RHCG: variants seen among roughly 807,000 people sequenced by gnomAD.
RHCG encodes ammonium transporter Rh type C.
Under a neutral mutation model 55.3 loss-of-function variants are expected in RHCG, and 39 were observed. The ratio of observed to expected loss-of-function variants is 0.70; its 90% CI spans 0.55 to 0.92. The LOEUF is 0.92. RHCG is among the 40% of genes least tolerant of loss of function. The pLI, the probability that RHCG is intolerant of heterozygous loss-of-function variation, is 0.00. For missense variants in RHCG, 635 were observed against 627.9 expected, an observed-to-expected ratio of 1.01 and a Z score of -0.12; for synonymous variants, 250 against 246.8, an observed-to-expected ratio of 1.01 and a Z score of -0.12.
chr15:89,475,582 T>C (rs771550482), intron 9 of RHCG, among the ~76,000 whole-genome samples: 14 of 152,174 alleles, frequency 9.2e-5, no homozygotes, highest in Non-Finnish European at 1.6e-4. Context: ...ACCTGGGAGC[T>C]TGTCAGTTGC....
intron 1 of RHCG, among the ~76,000 whole-genome samples, chr15:89,490,754 G>C (rs889104828): frequency 6.6e-6 from 1 of 151,592 alleles, no homozygotes; most frequent in Non-Finnish European, 1.5e-5. Context: ...GCTGGGTCTG[G>C]CCTGGCCGTG....
chr15:89,473,810 T>C (rs545123531), intron 9 of RHCG, among the ~76,000 whole-genome samples: 2 of 152,300 alleles, frequency 1.3e-5, no homozygotes, highest in Non-Finnish European at 2.9e-5. Context: ...CTGAGGTTAC[T>C]GGGGGACGTC....
chr15:89,496,346 G>A lies in RHCG; in HGVS notation c.184+15C>T, dbSNP rs1312041710. Reference sequence around the variant, plus strand: ...CGGATATGCCTCCGCTGGGCCTGCAGGCGGCGAGACTTACTTGGGTAGCGA... The same window carrying A: ...CGGATATGCCTCCGCTGGGCCTGCAAGCGGCGAGACTTACTTGGGTAGCGA... On this transcript the variant is annotated intron_variant, in intron 1 of 10. Transcript: ENST00000268122. The A allele has an allele frequency of 1.2e-6, 2 of 1,613,318 alleles. No homozygotes were observed. The highest frequency in any genetic ancestry group is 8.5e-7 in the Non-Finnish European group (1 of 1,179,706).
intron 1 of RHCG, among the ~76,000 whole-genome samples, chr15:89,492,486 A>T (rs1961494963): frequency 6.6e-6 from 1 of 151,524 alleles, no homozygotes; most frequent in South Asian, 2.1e-4. Context: ...TTCCCCCAAG[A>T]CTCCGTGCCC....
In RHCG at chr15:89,477,865, A is replaced by G; in HGVS notation, c.947T>C (p.Ile316Thr). 1 of 1,614,012 alleles carries G rather than the reference A, an allele frequency of 6.2e-7. No individual in the cohort carries two copies. The highest frequency in any genetic ancestry group is 8.5e-7 in the Non-Finnish European group (1 of 1,179,984). ...CAGGTATACAAAACCCAGGGTGGAG[A>G]TGATGCCGCAGACGAAGCCGATGAT... ...ALIIGFVCGI[I>T]STLGFVYLTP... is the part of the protein sequence containing the mutation. Residue 316 changes from isoleucine to threonine, a missense_variant, in exon 6 of 11, where the codon ATC becomes ACC. Coordinates refer to ENST00000268122, the MANE Select transcript of RHCG (RefSeq NM_016321.3). The surrounding 1 kb of genome is among the most constrained non-coding windows in gnomAD (Gnocchi z 4.5).
Position 89,477,575 on chromosome 15 carries a change from C to G in RHCG, c.1054G>C (p.Gly352Arg). 1 of 1,614,106 alleles carries G rather than the reference C, an allele frequency of 6.2e-7. No homozygotes were observed. The highest frequency in any genetic ancestry group is 8.5e-7 in the Non-Finnish European group (1 of 1,180,018). The change falls in exon 7 of 11, where the codon GGC (glycine) becomes CGC (arginine). Residue 352 changes from glycine (G) to arginine (R), a missense_variant. Transcript: ENST00000268122. This position sits in a 1 kb window ranked among gnomAD's most constrained non-coding sequence, Gnocchi z 4.5. ...GCCGCTGTCACAGCACCCACGATGC[C>G]GCCTATGATGCCAGGAATGCCATGC... ...NLHGIPGIIGGIVGAVTAASA... is the reference protein window; with the variant it reads ...NLHGIPGIIGRIVGAVTAASA...
At chr15:89,479,953 G>A (rs1170594810) in intron 4 of RHCG, among the ~76,000 whole-genome samples, 1 of 152,240 alleles carries the variant, frequency 6.6e-6, no homozygotes, top group Non-Finnish European at 1.5e-5. Context: ...GATGGAGTGA[G>A]CAGCTCCTGG....
In RHCG at chr15:89,486,870, G is replaced by A; in HGVS notation, c.300C>T (p.Ile100=). The change falls in exon 2 of 11, where the codon ATC becomes ATT. Residue 100 remains isoleucine, a synonymous_variant. Transcript: ENST00000268122. Reference sequence around the variant, plus strand: ...AGCCCTGCATGAGCAGCGCCCACTGGATGCCGAAGGCTGCCAACAGGAAGT... The same window carrying A: ...AGCCCTGCATGAGCAGCGCCCACTGAATGCCGAAGGCTGCCAACAGGAAGT... ...GFNFLLAAFG[I]QWALLMQGWF... 6.2e-7 allele frequency: 1 copy of A among 1,612,578 alleles called. No individual in the cohort carries two copies. The highest frequency in any genetic ancestry group is 8.5e-7 in the Non-Finnish European group (1 of 1,178,774).
At position 89,486,993 on chromosome 15, in the gene RHCG, G is replaced by A; in HGVS notation, c.185-8C>T. 2 of 1,582,166 alleles carry A rather than the reference G, an allele frequency of 1.3e-6. No homozygotes were observed. Among genetic ancestry groups the A allele is most frequent in the Non-Finnish European group, 1.7e-6 (2 of 1,158,736 alleles). ...CGTGCACGTCCTGGAAGCCTGCGGGGACAGTGCAGCCCGGGACTCGGTGGT... is the reference window on the plus strand; with the variant it reads ...CGTGCACGTCCTGGAAGCCTGCGGGAACAGTGCAGCCCGGGACTCGGTGGT... On this transcript the variant is annotated splice_region_variant and splice_polypyrimidine_tract_variant and intron_variant, in intron 1 of 10. Transcript: ENST00000268122.
chr15:89,479,667 C>T, intron 4 of RHCG, 179 bp from the exon 5 acceptor site: 2 of 615,214 alleles, frequency 3.3e-6, no homozygotes, highest in Non-Finnish European at 5.6e-6. Context: ...CCTTCCTTAC[C>T]CCCCACTTAG....
At chr15:89,485,774 T>C (rs1961347554) in intron 2 of RHCG, among the ~76,000 whole-genome samples, 2 of 152,178 alleles carry the variant, frequency 1.3e-5, no homozygotes, top group Admixed American at 1.3e-4. Context: ...GAACCTCCAA[T>C]AAACTAAAAC....
intron 10 of RHCG, among the ~76,000 whole-genome samples, chr15:89,472,255 G>C (rs1158078544): frequency 6.6e-6 from 1 of 152,170 alleles, no homozygotes; most frequent in South Asian, 2.1e-4. Context: ...GCAAGGGCTT[G>C]GTGCATTCCA....
rs754528982 is a variant in RHCG, at chr15:89,496,328, G to A, written c.184+33C>T. ...GCCAGGTGGGGACCGGCGCGGATAT[G>A]CCTCCGCTGGGCCTGCAGGCGGCGA... On this transcript the variant is annotated intron_variant, in intron 1 of 10. Transcript: ENST00000268122. 7.5e-6 allele frequency: 12 copies of A among 1,610,140 alleles called. No homozygotes were observed. The South Asian group carries it at 9.9e-5, about 13-fold the overall frequency.
intron 8 of RHCG, 25 bp from the exon 9 acceptor site, chr15:89,476,853 A>G (rs373360903): frequency 1.9e-6 from 3 of 1,604,934 alleles, no homozygotes; most frequent in Non-Finnish European, 2.6e-6. Context: ...AGATTACAGG[A>G]TGTCAGGAAG....
At chr15:89,489,303 T>C (rs1961431633) in intron 1 of RHCG, among the ~76,000 whole-genome samples, 2 of 151,890 alleles carry the variant, frequency 1.3e-5, no homozygotes, top group African/African-American at 4.8e-5. Flanking sequence ...TTTTAACTTT[T>C]AGTAGAGACA....
chr15:89,487,179 CG>C (rs1485320996), intron 1 of RHCG, among the ~76,000 whole-genome samples, 194 bp from the exon 2 acceptor site: 1 of 152,176 alleles, frequency 6.6e-6, no homozygotes, highest in Admixed American at 6.5e-5. Flanking sequence ...GGTAACGCTG[CG>C]GGCAGAGCCT....
intron 1 of RHCG, among the ~76,000 whole-genome samples, chr15:89,490,712 A>G (rs1961457951): frequency 6.7e-6 from 1 of 149,012 alleles, no homozygotes; most frequent in African/African-American, 2.5e-5. Flanking sequence ...AACACAAGGC[A>G]GTGGGAAGAG....
rs755722323 is a variant in RHCG at position 89,486,959 on chromosome 15, A to C, written c.211T>G (p.Phe71Val). ...GTCATGAGGAAGCCGAAGCCCACGA[A>C]GACCATCACGTGCACGTCCTGGAAG... Reference protein sequence around the residue: ...PSFQDVHVMVFVGFGFLMTFL... With the variant: ...PSFQDVHVMVVVGFGFLMTFL... Residue 71 changes from phenylalanine (F) to valine (V), a missense_variant, in exon 2 of 11, where the codon TTC becomes GTC. By Grantham distance (50) the Phe-to-Val change is conservative. Transcript: ENST00000268122. 3 of 1,604,868 alleles carry C rather than the reference A, an allele frequency of 1.9e-6. No individual in the cohort carries two copies. Among genetic ancestry groups the C allele is most frequent in the East Asian group, 4.5e-5 (2 of 44,658 alleles).
At chr15:89,491,263 G>T (rs1961470176) in intron 1 of RHCG, among the ~76,000 whole-genome samples, 1 of 152,032 alleles carries the variant, frequency 6.6e-6, no homozygotes, top group Non-Finnish European at 1.5e-5. Context: ...GCTCTGGTGG[G>T]TGCCCTGTCT....
Sources: allele counts gnomAD v4.1 joint callset (sites outside exome capture counted in the v4.1 genomes callset), GRCh38; gene constraint gnomAD v4.1.1; non-coding constraint Gnocchi (gnomAD v3.1); transcripts MANE v1.5; gene names NCBI Gene and HGNC (gene_info 2026-07-23, HGNC 2026-07-21).